NT5DC3: variants seen among roughly 807,000 people sequenced by gnomAD.
The protein encoded by NT5DC3 is 5'-nucleotidase domain containing 3, also known as 5'-nucleotidase domain-containing protein 3.
NT5DC3 carries 42 observed loss-of-function variants against 67.8 expected under a neutral mutation model. That is an observed-to-expected ratio of 0.62 (90% CI 0.48 to 0.80). The LOEUF is 0.80. Among genes scored for constraint, NT5DC3 ranks in the 30% least tolerant of loss-of-function variants. The probability of loss-of-function intolerance (pLI) is 0.00; values close to 1 mark genes in which losing one functional copy is unlikely to be tolerated. For missense variants in NT5DC3, 570 were observed against 696.4 expected, an observed-to-expected ratio of 0.82 and a Z score of 2.04; for synonymous variants, 237 against 255.6, an observed-to-expected ratio of 0.93 and a Z score of 0.69.
At chr12:103,831,770 CTT>C (rs568035358) in intron 1 of NT5DC3, among the ~76,000 whole-genome samples, 76 of 109,646 alleles carry the variant, frequency 6.9e-4, no homozygotes, top group African/African-American at 2.0e-3. Context: ...TCAGCATCCT[CTT>C]TTTTTTTTTT....
At chr12:103,746,573 T>A in the NT5DC3 span, 1 of 1,609,880 alleles carries the variant, frequency 6.2e-7, no homozygotes, top group Non-Finnish European at 8.5e-7. Flanking sequence ...GGGTACAGAA[T>A]GAAAGTGGCC....
chr12:103,749,106 G>A, the NT5DC3 span: 93 of 1,612,324 alleles, frequency 5.8e-5, no homozygotes, highest in South Asian at 8.3e-4. Context: ...CTGTGCAGAC[G>A]GCCTTAACGG....
chr12:103,750,615 G>A, the NT5DC3 span: 129 of 1,614,190 alleles, frequency 8.0e-5, no homozygotes, highest in South Asian at 1.8e-4. Context: ...TCACTATGTC[G>A]GAGATGGGCT....
intron 4 of NT5DC3, among the ~76,000 whole-genome samples, chr12:103,803,934 G>A (rs1277203460): frequency 2.6e-5 from 4 of 151,694 alleles, no homozygotes; most frequent in Non-Finnish European, 5.9e-5. Context: ...CAGCATGGTG[G>A]CCAAGAGCAC....
the NT5DC3 span, chr12:103,762,154 A>C: frequency 7.4e-7 from 1 of 1,359,642 alleles, no homozygotes; most frequent in Non-Finnish European, 1.0e-6. Context: ...GGCCAGATAC[A>C]TGTTAACATG....
intron 12 of NT5DC3, among the ~76,000 whole-genome samples, chr12:103,781,527 A>G (rs1413030370): frequency 6.6e-6 from 1 of 151,810 alleles, no homozygotes; most frequent in Non-Finnish European, 1.5e-5. Flanking sequence ...AACCTTTCCC[A>G]CCATTTATCA....
intron 2 of NT5DC3, among the ~76,000 whole-genome samples, chr12:103,814,038 A>G (rs1285931521): frequency 6.6e-6 from 1 of 152,084 alleles, no homozygotes; most frequent in Non-Finnish European, 1.5e-5. Context: ...AGTCAGACAC[A>G]CTCAATGTCT....
the NT5DC3 span, among the ~76,000 whole-genome samples, chr12:103,764,078 C>T: frequency 3.9e-5 from 6 of 151,964 alleles, no homozygotes; most frequent in South Asian, 2.1e-4. Flanking sequence ...CTCTGCCTCC[C>T]GAGTAGCTGG....
At chr12:103,767,584 C>T (rs147826680), downstream of NT5DC3, among the ~76,000 whole-genome samples, 1,695 of 152,248 alleles carry the variant, frequency 0.011, 12 homozygotes, top group Middle Eastern at 0.02. Flanking sequence ...GACATGATAA[C>T]TAAATAATAC....
At chr12:103,772,186 T>A (rs1284018653), downstream of NT5DC3, 3 of 152,152 alleles carry the variant, frequency 2.0e-5, no homozygotes, top group African/African-American at 7.2e-5. Context: ...TTATCTATTT[T>A]TGTAGAAATA....
At chr12:103,798,499 A>G (rs1593403214) in intron 5 of NT5DC3, 88 bp downstream of exon 5, 1 of 858,748 alleles carries the variant, frequency 1.2e-6, no homozygotes, top group South Asian at 1.5e-5. Context: ...TTCCCTGTCA[A>G]TTCCATATAA....
At chr12:103,754,374 C>G in the NT5DC3 span, among the ~76,000 whole-genome samples, 1 of 152,050 alleles carries the variant, frequency 6.6e-6, no homozygotes, top group East Asian at 1.9e-4. Context: ...GGTTTGAATG[C>G]CAGTTGCCAG....
chr12:103,749,386 C>T, the NT5DC3 span, among the ~76,000 whole-genome samples: 1 of 152,158 alleles, frequency 6.6e-6, no homozygotes, highest in Non-Finnish European at 1.5e-5. Context: ...GCTTAGTTAA[C>T]AGTAATGTAC....
chr12:103,753,246 C>T, the NT5DC3 span: 790 of 1,614,224 alleles, frequency 4.9e-4, 1 homozygote, highest in South Asian at 4.9e-3. Flanking sequence ...GTTCCATCTA[C>T]GCTCCCCACT....
At chr12:103,826,621 CTA>C (rs1167298023) in intron 1 of NT5DC3, among the ~76,000 whole-genome samples, 2 of 152,240 alleles carry the variant, frequency 1.3e-5, no homozygotes, top group Non-Finnish European at 2.9e-5. Flanking sequence ...CCAGTGAGAT[CTA>C]TGTCAGACTT....
At chr12:103,808,928 C>G (rs922320939) in intron 2 of NT5DC3, among the ~76,000 whole-genome samples, 5 of 152,224 alleles carry the variant, frequency 3.3e-5, no homozygotes, top group African/African-American at 1.2e-4. Flanking sequence ...CTTTCTTTAT[C>G]TTTATCCCTC....
At position 103,777,305 on chromosome 12, in the gene NT5DC3, C is replaced by T. The variant is rs1885374230; in HGVS notation, c.*524G>A. The stretch of plus-strand genomic sequence containing the variant: ...GTGCCAGAATGTCAAAGCCTTAGTA[C>T]CAAATGATTTGGGAACTGGCCATCA... On this transcript the variant is annotated 3_prime_UTR_variant, in exon 14 of 14. Transcript: ENST00000392876. 2 of 156,860 alleles carry T rather than the reference C, an allele frequency of 1.3e-5. No individual in the cohort carries two copies. Among genetic ancestry groups the T allele is most frequent in the East Asian group, 1.9e-4 (1 of 5,274 alleles). The allele number at this position is 156,860 out of a possible 1,614,324, so 9.7% of individuals were successfully genotyped here.
the NT5DC3 span, chr12:103,763,663 G>A: frequency 3.4e-6 from 5 of 1,465,708 alleles, no homozygotes; most frequent in Admixed American, 7.2e-5. Context: ...GGGGAATGAT[G>A]TCTTTTAGGA....
Position 103,778,008 on chromosome 12 carries a change from G to T in NT5DC3, c.1468C>A (p.Leu490Ile), listed in dbSNP as rs1339201150. Residue 490 changes from leucine to isoleucine, a missense_variant, in exon 14 of 14, where the codon CTA becomes ATA. Leu to Ile is a conservative substitution (Grantham distance 5). This residue lies in a region of NT5DC3 where 466 missense variants were observed against 608.0 expected (regional missense o/e 0.77). Coordinates refer to ENST00000392876, the MANE Select transcript of NT5DC3 (RefSeq NM_001031701.3). ...FRTDQNPTYF[L>I]RRLSRFADIY... ...TCAGCGAAGCGCGACAGGCGCCTTA[G>T]GAAGTAGGTTGGGTTCTGGTCTGTG... 1 of 1,614,242 alleles carries T rather than the reference G, an allele frequency of 6.2e-7. No homozygotes were observed. Among genetic ancestry groups the T allele is most frequent in the Non-Finnish European group, 8.5e-7 (1 of 1,180,040 alleles).
Sources: allele counts gnomAD v4.1 joint callset (sites outside exome capture counted in the v4.1 genomes callset), GRCh38; gene constraint gnomAD v4.1.1; regional missense constraint gnomAD v4.1.1; transcripts MANE v1.5; gene names NCBI Gene and HGNC (gene_info 2026-07-23, HGNC 2026-07-21).